SLC35F1: variants seen among roughly 807,000 people sequenced by gnomAD.
The protein encoded by SLC35F1 is chromosome 6 open reading frame 169.
SLC35F1 carries 14 observed loss-of-function variants against 48.7 expected under a neutral mutation model. The ratio of observed to expected loss-of-function variants is 0.29; its 90% CI spans 0.19 to 0.45. The LOEUF is 0.45. SLC35F1 is among the 20% of genes least tolerant of loss of function. The pLI is 1.00. For synonymous variants in SLC35F1, 190 were observed against 202.2 expected (o/e 0.94, Z 0.51); for missense variants, 404 against 500.0 (o/e 0.81, Z 1.83).
At chr6:118,268,501 T>C (rs1188748303) in intron 4 of SLC35F1, among the ~76,000 whole-genome samples, 1 of 151,372 alleles carries the variant, frequency 6.6e-6, no homozygotes, top group Non-Finnish European at 1.5e-5. Context: ...TGTAGTAATG[T>C]TGATATGAAT....
chr6:118,156,671 A>AAATAAAATAAAATAAAATAT (rs1774148792), intron 2 of SLC35F1, among the ~76,000 whole-genome samples: 1 of 88,366 alleles, frequency 1.1e-5, no homozygotes, highest in South Asian at 3.5e-4. Flanking sequence ...GTATAATAAA[A>AAATAAAATAAAATAAAATAT]AATAAAATAA....
rs1413830027 is a variant in SLC35F1, at chr6:118,039,805, T to TTTTTTTTTTTTTTTTTTTTTTTTTTAAA, written c.174-114638_174-114637insTTTTTTTTTTTTTTTTTTTTTTTAAATT. Among the ~76,000 whole-genome samples the TTTTTTTTTTTTTTTTTTTTTTTTTTAAA allele has an allele frequency of 1.4e-5, 2 of 146,096 alleles. 1 individual carries two copies. The stretch of plus-strand genomic sequence containing the variant: ...ATCTAAGCATCTCAGGATTGTTTTT[T>TTTTTTTTTTTTTTTTTTTTTTTTTTAAA]TTGTTTTTTTTTTTTGCTTCAGACT... On this transcript the variant is annotated intron_variant, in intron 1 of 7. Coordinates refer to ENST00000360388, the MANE Select transcript of SLC35F1 (RefSeq NM_001029858.4).
intron 2 of SLC35F1, among the ~76,000 whole-genome samples, chr6:118,171,304 T>TG (rs1359675545): frequency 2.0e-5 from 3 of 152,340 alleles, no homozygotes; most frequent in African/African-American, 2.4e-5. Context: ...GTGCTGGGAT[T>TG]GCAGGTGTGA....
chr6:118,123,965 A>G (rs1447943148), intron 1 of SLC35F1, among the ~76,000 whole-genome samples: 1 of 152,164 alleles, frequency 6.6e-6, no homozygotes, highest in African/African-American at 2.4e-5. Context: ...AGTCCTATAC[A>G]CAGCAAATTG....
intron 1 of SLC35F1, among the ~76,000 whole-genome samples, chr6:118,022,914 C>T (rs1223879958): frequency 6.6e-6 from 1 of 151,998 alleles, no homozygotes; most frequent in East Asian, 1.9e-4. Flanking sequence ...CTACGCCGGG[C>T]TAATTCTTTT....
Position 118,316,297 on chromosome 6 carries a change from T to C in SLC35F1, c.*2045T>C, listed in dbSNP as rs1284023422. On this transcript the variant is annotated 3_prime_UTR_variant, in exon 8 of 8. Coordinates refer to ENST00000360388, the MANE Select transcript of SLC35F1 (RefSeq NM_001029858.4). ...TCTCAGTTCAGCCCCCTAGGAAACATGTTTTATTTTCCATGGGGAAAATAT... is the reference window on the plus strand; with the variant it reads ...TCTCAGTTCAGCCCCCTAGGAAACACGTTTTATTTTCCATGGGGAAAATAT... The C allele has an allele frequency of 6.6e-6, 1 of 151,902 alleles. No individual in the cohort carries two copies. The highest frequency in any genetic ancestry group is 2.5e-5 in the African/African-American group (1 of 40,760). The allele number at this position is 151,902 out of a possible 1,614,324, so 9.4% of individuals were successfully genotyped here.
intron 1 of SLC35F1, among the ~76,000 whole-genome samples, chr6:117,908,136 G>A (rs963225704): frequency 2.0e-5 from 3 of 152,332 alleles, no homozygotes; most frequent in African/African-American, 7.2e-5. Context: ...GGGAGTTCGG[G>A]GAGAGGCGGG....
At chr6:118,051,458 A>G (rs1315748469) in intron 1 of SLC35F1, among the ~76,000 whole-genome samples, 1 of 152,224 alleles carries the variant, frequency 6.6e-6, no homozygotes, top group African/African-American at 2.4e-5. Flanking sequence ...CTTTTTCAAA[A>G]AGATAAATAA....
chr6:118,288,309 A>T (rs1236213243), intron 7 of SLC35F1, among the ~76,000 whole-genome samples: 2 of 152,124 alleles, frequency 1.3e-5, no homozygotes, highest in African/African-American at 2.4e-5. Context: ...CAGCCTCAGG[A>T]TGTGGTGACA....
chr6:117,952,249 G>C (rs961994487), intron 1 of SLC35F1, among the ~76,000 whole-genome samples: 4 of 152,068 alleles, frequency 2.6e-5, no homozygotes, highest in Non-Finnish European at 5.9e-5. Flanking sequence ...CTCAGGTGGG[G>C]CCTTGGATGT....
At chr6:118,181,091 A>G (rs1159173378) in intron 2 of SLC35F1, among the ~76,000 whole-genome samples, 1 of 152,154 alleles carries the variant, frequency 6.6e-6, no homozygotes, top group Non-Finnish European at 1.5e-5. Context: ...TATATTGAAG[A>G]TATTTTCTAA....
intron 5 of SLC35F1, 94 bp from the exon 6 acceptor site, chr6:118,277,400 G>A: frequency 8.9e-7 from 1 of 1,126,254 alleles, no homozygotes; most frequent in Admixed American, 1.9e-5. Flanking sequence ...TTCATTATTT[G>A]TATACATCTG....
intron 6 of SLC35F1, among the ~76,000 whole-genome samples, chr6:118,284,716 TGA>T (rs1776029080): frequency 6.6e-6 from 1 of 152,230 alleles, no homozygotes; most frequent in Non-Finnish European, 1.5e-5. Context: ...CAGGTCTCTT[TGA>T]CATGCAAGCT....
chr6:118,281,890 C>T (rs961681927), intron 6 of SLC35F1, among the ~76,000 whole-genome samples: 2 of 152,210 alleles, frequency 1.3e-5, no homozygotes, highest in African/African-American at 4.8e-5. Context: ...ATCAGCATTA[C>T]ACTGTTGTGG....
At chr6:117,942,407 C>A (rs1044323314) in intron 1 of SLC35F1, among the ~76,000 whole-genome samples, 13 of 152,154 alleles carry the variant, frequency 8.5e-5, no homozygotes, top group African/African-American at 3.1e-4. Flanking sequence ...ATGTTCATGA[C>A]TTTCTGTTCA....
chr6:118,145,056 C>G (rs62423695), intron 1 of SLC35F1, among the ~76,000 whole-genome samples: 1 of 151,860 alleles, frequency 6.6e-6, no homozygotes, highest in Non-Finnish European at 1.5e-5. Context: ...TCCATGCAAC[C>G]GATACTACAG....
intron 1 of SLC35F1, among the ~76,000 whole-genome samples, chr6:118,002,709 C>T (rs1218990036): frequency 6.6e-6 from 1 of 151,696 alleles, no homozygotes; most frequent in East Asian, 1.9e-4. Flanking sequence ...TGACTGTTTG[C>T]TATCAGAGAT....
intron 1 of SLC35F1, among the ~76,000 whole-genome samples, chr6:117,952,525 C>G (rs532231603): frequency 6.6e-6 from 1 of 152,306 alleles, no homozygotes; most frequent in East Asian, 1.9e-4. Flanking sequence ...TTAATCCCTT[C>G]TTGTTCCTCT....
intron 2 of SLC35F1, among the ~76,000 whole-genome samples, chr6:118,209,890 T>C (rs557836251): frequency 6.6e-6 from 1 of 152,290 alleles, no homozygotes; most frequent in Admixed American, 6.5e-5. Flanking sequence ...CTTAATTCTA[T>C]CCTCCAGGGC....
Sources: allele counts gnomAD v4.1 joint callset (sites outside exome capture counted in the v4.1 genomes callset), GRCh38; gene constraint gnomAD v4.1.1; transcripts MANE v1.5; gene names NCBI Gene and HGNC (gene_info 2026-07-23, HGNC 2026-07-21).